SLC1A2: variants seen among roughly 807,000 people sequenced by gnomAD.
The protein encoded by SLC1A2 is solute carrier family 1 member 2.
In SLC1A2, 15 loss-of-function variants were observed where a neutral mutation model predicts 48.8. That is an observed-to-expected ratio of 0.31 (90% CI 0.21 to 0.47). SLC1A2 has a LOEUF of 0.47. Among genes scored for constraint, SLC1A2 ranks in the 20% least tolerant of loss-of-function variants. SLC1A2 has a pLI of 0.99. For synonymous variants in SLC1A2, 279 were observed against 272.6 expected, an observed-to-expected ratio of 1.02 and a Z score of -0.23; for missense variants, 502 against 730.5, an observed-to-expected ratio of 0.69 and a Z score of 3.61.
At chr11:35,367,497 C>T (rs890060675) in intron 1 of SLC1A2, among the ~76,000 whole-genome samples, 8 of 152,208 alleles carry the variant, frequency 5.3e-5, no homozygotes, top group East Asian at 3.8e-4. Flanking sequence ...TCCATTTTCC[C>T]GAACCCCTGC....
intron 1 of SLC1A2, among the ~76,000 whole-genome samples, chr11:35,410,243 T>C (rs1565310387): frequency 6.6e-6 from 1 of 152,250 alleles, no homozygotes; most frequent in East Asian, 1.9e-4. Flanking sequence ...AGCTAATTAA[T>C]GTATCCATTA....
At chr11:35,311,736 C>A (rs1851693808) in intron 4 of SLC1A2, among the ~76,000 whole-genome samples, 1 of 151,790 alleles carries the variant, frequency 6.6e-6, no homozygotes, top group African/African-American at 2.4e-5. Flanking sequence ...GGTGGTTTAG[C>A]TTTACTGCCA....
chr11:35,273,352 C>T (rs542460803), intron 9 of SLC1A2, among the ~76,000 whole-genome samples: 9 of 152,216 alleles, frequency 5.9e-5, no homozygotes, highest in East Asian at 1.9e-4. Context: ...GCGTGAAGTC[C>T]GGATACCAGC....
intron 1 of SLC1A2, among the ~76,000 whole-genome samples, chr11:35,363,456 G>A (rs906608543): frequency 2.0e-5 from 3 of 152,138 alleles, no homozygotes; most frequent in African/African-American, 7.2e-5. Context: ...GAGCTCATTG[G>A]AGGGTTTCAA....
rs935608200 is a variant in SLC1A2 at position 35,329,284 on chromosome 11, G to C, written c.18-11768C>G. Among the ~76,000 whole-genome samples, 5 of 152,154 alleles carry C rather than the reference G, an allele frequency of 3.3e-5. No homozygotes were observed. The South Asian group carries it at 6.2e-4, about 19-fold the overall frequency. ...AAATACTTTGTATGTTACTATAATG[G>C]TAAATACACATCATCATACATTTGT... On this transcript the variant is annotated intron_variant, in intron 1 of 10. Coordinates refer to ENST00000278379, the MANE Select transcript of SLC1A2 (RefSeq NM_004171.4).
intron 7 of SLC1A2, chr11:35,291,939 T>A (rs1183258319): frequency 9.7e-6 from 2 of 205,950 alleles, no homozygotes; most frequent in Non-Finnish European, 2.0e-5. Context: ...AGGTGAAATG[T>A]TTATTGAAAA....
intron 1 of SLC1A2, among the ~76,000 whole-genome samples, chr11:35,361,278 T>A (rs889211661): frequency 1.3e-5 from 2 of 152,206 alleles, no homozygotes; most frequent in African/African-American, 4.8e-5. Context: ...CTCTGAGAAA[T>A]TCTGCAGTGA....
intron 1 of SLC1A2, among the ~76,000 whole-genome samples, chr11:35,356,494 G>C (rs554044269): frequency 1.6e-4 from 24 of 152,294 alleles, no homozygotes; most frequent in African/African-American, 5.5e-4. Flanking sequence ...TGGAACCCTG[G>C]GCAGAAGGCC....
At chr11:35,392,922 A>G (rs564694489) in intron 1 of SLC1A2, among the ~76,000 whole-genome samples, 57 of 152,338 alleles carry the variant, frequency 3.7e-4, no homozygotes, top group African/African-American at 1.4e-3. Context: ...ATATTTCAAA[A>G]TAGCCACCTT....
chr11:35,304,236 T>C (rs887068345), intron 5 of SLC1A2, among the ~76,000 whole-genome samples: 11 of 152,050 alleles, frequency 7.2e-5, no homozygotes, highest in African/African-American at 2.4e-4. Context: ...CCACCAAGAC[T>C]CTGGAAACAA....
At chr11:35,412,851 T>C (rs1188700920) in intron 1 of SLC1A2, among the ~76,000 whole-genome samples, 1 of 152,220 alleles carries the variant, frequency 6.6e-6, no homozygotes, top group East Asian at 1.9e-4. Flanking sequence ...CCCTGGGCTC[T>C]TTCAAAGCAC....
intron 1 of SLC1A2, among the ~76,000 whole-genome samples, chr11:35,361,731 C>A (rs1219369022): frequency 6.6e-6 from 1 of 152,142 alleles, no homozygotes; most frequent in Non-Finnish European, 1.5e-5. Context: ...AATCTCAGCA[C>A]TTTGGGAGGC....
rs574859573 is a variant in SLC1A2, at chr11:35,259,583, A to T, written c.*1311T>A. ...TTAAAACTTCACAGCCTTAAACAAG[A>T]TTCCATCTGTGAAGTTGTACAGAGC... On this transcript the variant is annotated 3_prime_UTR_variant, in exon 11 of 11. Transcript: ENST00000278379. 2.6e-5 allele frequency: 4 copies of T among 152,388 alleles called. No individual in the cohort carries two copies. In the East Asian group the frequency reaches 5.8e-4, roughly 22 times the overall value. 9.4% of individuals were successfully genotyped at this position (152,388 alleles called of 1,614,324 possible).
intron 5 of SLC1A2, among the ~76,000 whole-genome samples, chr11:35,305,584 T>C (rs1400427272): frequency 6.6e-6 from 1 of 152,116 alleles, no homozygotes; most frequent in Non-Finnish European, 1.5e-5. Context: ...GATAACAAGA[T>C]AATCTGTAAA....
chr11:35,268,822 T>C (rs945511490), intron 9 of SLC1A2, among the ~76,000 whole-genome samples: 6 of 152,052 alleles, frequency 3.9e-5, no homozygotes, highest in African/African-American at 1.2e-4. Context: ...AAGTCTGACA[T>C]CCTAGTAAAG....
chr11:35,297,245 T>C (rs1005479135), intron 6 of SLC1A2, among the ~76,000 whole-genome samples: 3 of 152,200 alleles, frequency 2.0e-5, no homozygotes, highest in Non-Finnish European at 2.9e-5. Context: ...CATCCTCTCC[T>C]GGACGATGTT....
chr11:35,317,764 C>G (rs190716476), intron 1 of SLC1A2, among the ~76,000 whole-genome samples: 17 of 152,252 alleles, frequency 1.1e-4, no homozygotes, highest in Non-Finnish European at 2.2e-4. Context: ...AGAGTTGCCC[C>G]CCGTGGTAAC....
intron 9 of SLC1A2, among the ~76,000 whole-genome samples, chr11:35,279,579 TAC>T (rs1850554927): frequency 6.6e-6 from 1 of 152,184 alleles, no homozygotes; most frequent in Non-Finnish European, 1.5e-5. Flanking sequence ...TCTCCCTACA[TAC>T]ACCTGAGAAA....
rs16927218 is a variant in SLC1A2, at chr11:35,265,452, G to A, written c.1653+75C>T. Reference sequence around the variant, plus strand: ...GACAATAATACATGCAGGGCTTTACGGTTTTTTTTTTTTTAAAGAAATCAA... The same window carrying A: ...GACAATAATACATGCAGGGCTTTACAGTTTTTTTTTTTTTAAAGAAATCAA... On this transcript the variant is annotated intron_variant, in intron 10 of 10. Transcript: ENST00000278379. 7.4e-3 allele frequency: 5,591 copies of A among 750,978 alleles called. 211 individuals carry two copies. The African/African-American group carries it at 0.088, about 12-fold the overall frequency. The allele number at this position is 750,978 out of a possible 1,614,324, so 46.5% of individuals were successfully genotyped here. A position where few individuals can be genotyped will look rare whatever the true frequency, so the allele number is the denominator to read the frequency against.
Sources: gnomAD v4.1 joint callset for allele counts (sites outside exome capture counted in the v4.1 genomes callset) on GRCh38, gnomAD v4.1.1 for gene constraint, MANE v1.5 for transcripts, NCBI Gene and HGNC (gene_info 2026-07-23, HGNC 2026-07-21) for gene names.